Variants in RND3 observed in about 807,000 individuals in gnomAD.
RND3 encodes the protein rho-related GTP-binding protein RhoE.
A neutral mutation model predicts 26.5 loss-of-function variants in RND3; 8 were observed. The observed-to-expected ratio is 0.30, with a 90% CI of 0.18 to 0.54. The LOEUF (loss-of-function observed/expected upper bound fraction) is 0.54, where lower values mean the gene tolerates loss of function less well. Among genes scored for constraint, RND3 ranks in the 20% least tolerant of loss-of-function variants. RND3 has a pLI of 0.94. For synonymous variants in RND3, 113 were observed against 113.0 expected (o/e 1.00, Z 0.00); for missense variants, 207 against 302.8 (o/e 0.68, Z 2.35).
At position 150,469,686 on chromosome 2, in the gene RND3, A is replaced by T. The variant is rs1188582521; in HGVS notation, c.*301T>A. ...AAATGCAAGCACCATTCAGAGTGTG[A>T]TTTTTCTTCTTGGAGGTACTCGCAT... On this transcript the variant is annotated 3_prime_UTR_variant, in exon 6 of 6. Transcript: ENST00000263895. 1.3e-5 allele frequency: 4 copies of T among 312,454 alleles called. No individual in the cohort carries two copies. Among genetic ancestry groups the T allele is most frequent in the Non-Finnish European group, 2.3e-5 (4 of 170,592 alleles). 19.4% of individuals were successfully genotyped at this position (312,454 alleles called of 1,614,324 possible). A position where few individuals can be genotyped will look rare whatever the true frequency, so the allele number is the denominator to read the frequency against.
chr2:150,471,075 A>T (rs933192255), intron 5 of RND3, among the ~76,000 whole-genome samples: 8 of 152,170 alleles, frequency 5.3e-5, no homozygotes, highest in Non-Finnish European at 1.5e-5. Flanking sequence ...AAAATACCAA[A>T]TTTTTTGCTA....
intron 5 of RND3, among the ~76,000 whole-genome samples, chr2:150,470,590 G>A (rs967521502): frequency 3.3e-5 from 5 of 152,236 alleles, no homozygotes; most frequent in Admixed American, 3.3e-4. Context: ...TGGAGCTAAC[G>A]AAGTGATTCA....
chr2:150,478,845 A>G (rs745789017), intron 3 of RND3, among the ~76,000 whole-genome samples: 14 of 152,154 alleles, frequency 9.2e-5, no homozygotes, highest in Non-Finnish European at 1.9e-4. Flanking sequence ...CTTTTTCAGC[A>G]TGTGGAATAG....
intron 4 of RND3, among the ~76,000 whole-genome samples, chr2:150,472,132 C>T (rs956321685): frequency 2.2e-4 from 33 of 152,186 alleles, no homozygotes; most frequent in African/African-American, 6.3e-4. Context: ...CAAGTGACCA[C>T]ATCCTTCGAT....
Position 150,468,482 on chromosome 2 carries a change from G to A in RND3, c.*1505C>T, listed in dbSNP as rs1230632419. 2.0e-5 allele frequency: 3 copies of A among 152,548 alleles called. No individual in the cohort carries two copies. The highest frequency in any genetic ancestry group is 1.9e-4 in the East Asian group (1 of 5,198). The allele number at this position is 152,548 out of a possible 1,614,324, so 9.4% of individuals were successfully genotyped here. A position where few individuals can be genotyped will look rare whatever the true frequency, so the allele number is the denominator to read the frequency against. On this transcript the variant is annotated 3_prime_UTR_variant, in exon 6 of 6. Coordinates refer to ENST00000263895, the MANE Select transcript of RND3 (RefSeq NM_005168.5). ...TATTTTATGGGAAATGACTGGAATC[G>A]AATTTTCTTGCAGAGACAAGACAAA...
At position 150,487,431 on chromosome 2, in the gene RND3, T is replaced by C. The variant is rs1334092505; in HGVS notation, c.-14A>G. On this transcript the variant is annotated 5_prime_UTR_variant, in exon 2 of 6. Coordinates refer to ENST00000263895, the MANE Select transcript of RND3 (RefSeq NM_005168.5). ...TCTCTCCTTCATTGATGTTGCCTTATTTTCTCTTGGAACAGGAATTTTCTC... is the reference window on the plus strand; with the variant it reads ...TCTCTCCTTCATTGATGTTGCCTTACTTTCTCTTGGAACAGGAATTTTCTC... The C allele has an allele frequency of 2.1e-6, 3 of 1,417,876 alleles. No individual in the cohort carries two copies. In the Admixed American group the frequency reaches 6.7e-5, roughly 32 times the overall value. The allele number at this position is 1,417,876 out of a possible 1,614,324, so 87.8% of individuals were successfully genotyped here.
At chr2:150,480,309 C>T (rs1686249245) in intron 3 of RND3, among the ~76,000 whole-genome samples, 1 of 152,140 alleles carries the variant, frequency 6.6e-6, no homozygotes, top group African/African-American at 2.4e-5. Flanking sequence ...ATGTGCACAA[C>T]ACCTGGTCAA....
rs1228792436 is a variant in RND3, at chr2:150,469,618, G to A, written c.*369C>T. 1.2e-5 allele frequency: 2 copies of A among 172,942 alleles called. No homozygotes were observed. Among genetic ancestry groups the A allele is most frequent in the Non-Finnish European group, 2.3e-5 (2 of 85,568 alleles). 10.7% of individuals were successfully genotyped at this position (172,942 alleles called of 1,614,324 possible). On this transcript the variant is annotated 3_prime_UTR_variant, in exon 6 of 6. Transcript: ENST00000263895. ...TAAAACATTTAAAAATTAAATCAAA[G>A]TGGAGATCCATGAATAGATTATAAC...
rs756369420 is a variant in RND3, at chr2:150,486,788, A to G, written c.151-7T>C. On this transcript the variant is annotated splice_region_variant and splice_polypyrimidine_tract_variant and intron_variant, in intron 2 of 5. Transcript: ENST00000263895. This position sits in a 1 kb window ranked among gnomAD's most constrained non-coding sequence, Gnocchi z 4.5. ...ACACTGTAGGAACGTAATTCTGGAT[A>G]GACAAAATGGGCAAAAGAGGAAGGA... 6.2e-7 allele frequency: 1 copy of G among 1,602,556 alleles called. No homozygotes were observed. Among genetic ancestry groups the G allele is most frequent in the Non-Finnish European group, 8.6e-7 (1 of 1,169,386 alleles).
rs1686025722 is a variant in RND3, at chr2:150,468,381, T to C, written c.*1606A>G. ...TACAATATTTAAATACAGAAAGCAC[T>C]CGCCAGCTATTTTGTAATACTGCCC... On this transcript the variant is annotated 3_prime_UTR_variant, in exon 6 of 6. Coordinates refer to ENST00000263895, the MANE Select transcript of RND3 (RefSeq NM_005168.5). 1 of 152,668 alleles carries C rather than the reference T, an allele frequency of 6.6e-6. No individual in the cohort carries two copies. The highest frequency in any genetic ancestry group is 1.5e-5 in the Non-Finnish European group (1 of 68,046). 9.5% of individuals were successfully genotyped at this position (152,668 alleles called of 1,614,324 possible).
At chr2:150,470,366 A>C in intron 5 of RND3, 128 bp from the exon 6 acceptor site, 1 of 988,890 alleles carries the variant, frequency 1.0e-6, no homozygotes, top group South Asian at 1.7e-5. Context: ...GAATTTTCCA[A>C]GTGTCATTGC....
intron 3 of RND3, among the ~76,000 whole-genome samples, chr2:150,481,124 T>C (rs1217061049): frequency 6.6e-6 from 1 of 152,176 alleles, no homozygotes; most frequent in Non-Finnish European, 1.5e-5. Context: ...GGAAGAAACG[T>C]TAAAAACTTC....
At chr2:150,485,728 C>T (rs1157052744) in intron 3 of RND3, among the ~76,000 whole-genome samples, 2 of 152,138 alleles carry the variant, frequency 1.3e-5, no homozygotes, top group Non-Finnish European at 2.9e-5. Context: ...TGCCACTCCC[C>T]GGCCTTTGAC....
At chr2:150,470,579 G>A (rs1212139636) in intron 5 of RND3, among the ~76,000 whole-genome samples, 1 of 152,114 alleles carries the variant, frequency 6.6e-6, no homozygotes, top group Non-Finnish European at 1.5e-5. Context: ...GAAGTGTAGA[G>A]TGGAGCTAAC....
intron 3 of RND3, among the ~76,000 whole-genome samples, chr2:150,477,781 T>C (rs1221646819): frequency 6.6e-6 from 1 of 152,184 alleles, no homozygotes; most frequent in Non-Finnish European, 1.5e-5. Flanking sequence ...AAAATACATA[T>C]GTAGTGCAAA....
chr2:150,471,102 TAAG>T (rs1686083180), intron 5 of RND3, among the ~76,000 whole-genome samples: 1 of 152,188 alleles, frequency 6.6e-6, no homozygotes, highest in Admixed American at 6.5e-5. Context: ...AATGGAAGAC[TAAG>T]AAGACTGCGG....
chr2:150,470,637 A>T (rs1427603400), intron 5 of RND3, among the ~76,000 whole-genome samples: 1 of 152,190 alleles, frequency 6.6e-6, no homozygotes, highest in Non-Finnish European at 1.5e-5. Flanking sequence ...TTAACTGGTT[A>T]TTCAGGTTTT....
At position 150,475,819 on chromosome 2, in the gene RND3, G is replaced by A. The variant is rs930853230; in HGVS notation, c.239-835C>T. ...GTCCCATCTCTGAGAGTGACACTGA[G>A]GCATGATCTAAGGATCTTAACCTGA... is the stretch of plus-strand genomic sequence containing the variant. On this transcript the variant is annotated intron_variant, in intron 3 of 5. Coordinates refer to ENST00000263895, the MANE Select transcript of RND3 (RefSeq NM_005168.5). 6.6e-5 allele frequency among the ~76,000 whole-genome samples: 10 copies of A among 152,120 alleles called. 1 individual carries two copies. Among genetic ancestry groups the A allele is most frequent in the Admixed American group, 2.6e-4 (4 of 15,276 alleles).
intron 3 of RND3, among the ~76,000 whole-genome samples, chr2:150,483,462 A>T (rs1014392132): frequency 4.6e-5 from 7 of 152,272 alleles, no homozygotes; most frequent in African/African-American, 1.4e-4. Flanking sequence ...TCTGACATTT[A>T]GAACTTTACA....
Sources: allele counts gnomAD v4.1 joint callset (sites outside exome capture counted in the v4.1 genomes callset), GRCh38; gene constraint gnomAD v4.1.1; non-coding constraint Gnocchi (gnomAD v3.1); transcripts MANE v1.5; gene names NCBI Gene and HGNC (gene_info 2026-07-23, HGNC 2026-07-21).